The following BBOX1 variants were observed in gnomAD, a reference collection of about 807,000 sequenced individuals.
The protein encoded by BBOX1 is gamma-butyrobetaine dioxygenase.
A neutral mutation model predicts 41.6 loss-of-function variants in BBOX1; 35 were observed. That is an observed-to-expected ratio of 0.84 (90% CI 0.64 to 1.11). The LOEUF (loss-of-function observed/expected upper bound fraction) is 1.11. Ranked by LOEUF, BBOX1 falls within the 50% of genes most tolerant of loss-of-function variation. BBOX1 has a pLI of 0.00. For missense variants in BBOX1, 458 were observed against 460.6 expected (o/e 0.99, Z 0.05); for synonymous variants, 163 against 154.7 (o/e 1.05, Z -0.40).
chr11:27,065,465 T>C (rs1857254523), intron 4 of BBOX1, among the ~76,000 whole-genome samples: 1 of 152,172 alleles, frequency 6.6e-6, no homozygotes, highest in Non-Finnish European at 1.5e-5. Flanking sequence ...AACGTACCTA[T>C]GCAAGATGGG....
chr11:27,051,408 G>A (rs1851665521), intron 2 of BBOX1, among the ~76,000 whole-genome samples: 1 of 151,982 alleles, frequency 6.6e-6, no homozygotes, highest in South Asian at 2.1e-4. Context: ...TAGAATTTGT[G>A]TTAATTCTTC....
chr11:27,050,025 T>G (rs1851621648), intron 2 of BBOX1, among the ~76,000 whole-genome samples: 1 of 152,154 alleles, frequency 6.6e-6, no homozygotes, highest in Non-Finnish European at 1.5e-5. Flanking sequence ...TTGAGTTGAT[T>G]TTTATGTATG....
intron 6 of BBOX1, 55 bp from the exon 7 acceptor site, chr11:27,119,593 TA>T: frequency 1.0e-6 from 1 of 981,048 alleles, no homozygotes; most frequent in Admixed American, 4.1e-5. Context: ...AGATTAATTC[TA>T]ATAATTAAAA....
At chr11:27,066,972 C>G (rs1190533078) in intron 4 of BBOX1, among the ~76,000 whole-genome samples, 3 of 152,088 alleles carry the variant, frequency 2.0e-5, no homozygotes, top group Non-Finnish European at 4.4e-5. Flanking sequence ...GGCCCTAGGC[C>G]TTGCTAAGTC....
intron 4 of BBOX1, among the ~76,000 whole-genome samples, chr11:27,083,193 AT>A (rs1857912108): frequency 6.6e-6 from 1 of 152,136 alleles, no homozygotes; most frequent in Admixed American, 6.6e-5. Flanking sequence ...GCCTCTAGTC[AT>A]CATTAGGAAA....
chr11:27,095,275 T>G (rs1858397678), intron 5 of BBOX1, among the ~76,000 whole-genome samples: 1 of 152,000 alleles, frequency 6.6e-6, no homozygotes, highest in African/African-American at 2.4e-5. Context: ...TTTCACAATT[T>G]CATAAGAGTG....
Position 27,125,554 on chromosome 11 carries a change from A to G in BBOX1, c.837-100A>G, listed in dbSNP as rs576149627. 493 of 1,047,104 alleles carry G rather than the reference A, an allele frequency of 4.7e-4. 2 individuals carry two copies. In the East Asian group the frequency reaches 0.013, roughly 28 times the overall value. The allele number at this position is 1,047,104 out of a possible 1,614,324, so 64.9% of individuals were successfully genotyped here. A position where few individuals can be genotyped will look rare whatever the true frequency, so the allele number is the denominator to read the frequency against. Reference sequence around the variant, plus strand: ...TCTGTACATGTATTTGGATTTTTTAATATGGTGTTTCAAAAATATATTTGA... The same window carrying G: ...TCTGTACATGTATTTGGATTTTTTAGTATGGTGTTTCAAAAATATATTTGA... On this transcript the variant is annotated intron_variant, in intron 7 of 8. Transcript: ENST00000263182.
chr11:27,043,234 T>C (rs900673129), intron 2 of BBOX1, among the ~76,000 whole-genome samples: 1 of 152,178 alleles, frequency 6.6e-6, no homozygotes, highest in East Asian at 1.9e-4. Flanking sequence ...CGGCTAACTT[T>C]TTGTATTTTT....
intron 5 of BBOX1, among the ~76,000 whole-genome samples, chr11:27,102,102 G>C (rs1858683068): frequency 6.6e-6 from 1 of 151,980 alleles, no homozygotes; most frequent in Non-Finnish European, 1.5e-5. Flanking sequence ...GTGCTGAGCA[G>C]TAAATTTATG....
chr11:27,080,692 C>T (rs1036548413), intron 4 of BBOX1, among the ~76,000 whole-genome samples: 20 of 152,134 alleles, frequency 1.3e-4, no homozygotes, highest in Admixed American at 2.6e-4. Flanking sequence ...AAATTCTCTT[C>T]TGAGTCCTTC....
rs576219499 is a variant in BBOX1 at position 27,112,863 on chromosome 11, A to C, written c.534-2589A>C. 3.1e-4 allele frequency among the ~76,000 whole-genome samples: 47 copies of C among 152,192 alleles called. 1 individual carries two copies. In the South Asian group the frequency reaches 9.7e-3, roughly 31 times the overall value. ...GCAAAAGAAACTAACAACAAAGTGA[A>C]CAGACAACATATAGAATGGAATAAA... On this transcript the variant is annotated intron_variant, in intron 5 of 8. Coordinates refer to ENST00000263182, the MANE Select transcript of BBOX1 (RefSeq NM_003986.3).
chr11:27,054,656 C>T (rs1856924616), intron 2 of BBOX1, among the ~76,000 whole-genome samples: 1 of 152,028 alleles, frequency 6.6e-6, no homozygotes, highest in South Asian at 2.1e-4. Flanking sequence ...TGAAGGTATA[C>T]ACAAGTACTC....
chr11:27,077,171 GTT>G (rs1857660957), intron 4 of BBOX1, among the ~76,000 whole-genome samples: 1 of 152,092 alleles, frequency 6.6e-6, no homozygotes, highest in African/African-American at 2.4e-5. Context: ...TGCCACCTGT[GTT>G]AGCTGACAGA....
chr11:27,070,818 C>T (rs1287261064), intron 4 of BBOX1, among the ~76,000 whole-genome samples: 1 of 150,880 alleles, frequency 6.6e-6, no homozygotes, highest in Non-Finnish European at 1.5e-5. Flanking sequence ...TCTCCGTCAT[C>T]ATGTTGATTG....
intron 5 of BBOX1, among the ~76,000 whole-genome samples, chr11:27,099,298 C>T (rs545478273): frequency 2.0e-5 from 3 of 151,832 alleles, no homozygotes; most frequent in South Asian, 4.2e-4. Context: ...CTGGCACCAA[C>T]AAGTTGCATT....
At chr11:27,041,680 T>C (rs909955875) in intron 2 of BBOX1, among the ~76,000 whole-genome samples, 14 of 152,146 alleles carry the variant, frequency 9.2e-5, no homozygotes, top group South Asian at 2.1e-4. Flanking sequence ...GCATTTAGAA[T>C]AGGCTTGGTT....
At chr11:27,103,481 T>A (rs1858743116) in intron 5 of BBOX1, among the ~76,000 whole-genome samples, 1 of 152,118 alleles carries the variant, frequency 6.6e-6, no homozygotes, top group Non-Finnish European at 1.5e-5. Flanking sequence ...TCAAATCGTT[T>A]CTATTGATTT....
intron 4 of BBOX1, among the ~76,000 whole-genome samples, chr11:27,074,217 T>C (rs1857561676): frequency 6.6e-6 from 1 of 152,040 alleles, no homozygotes; most frequent in Non-Finnish European, 1.5e-5. Context: ...TGTGAATCAA[T>C]TAAACCCGCT....
intron 4 of BBOX1, among the ~76,000 whole-genome samples, chr11:27,076,512 G>C (rs1857635365): frequency 1.3e-5 from 2 of 152,158 alleles, no homozygotes; most frequent in African/African-American, 2.4e-5. Flanking sequence ...TTGGCCTCCA[G>C]CCAGGAGGTG....
Sources: gnomAD v4.1 joint callset for allele counts (sites outside exome capture counted in the v4.1 genomes callset) on GRCh38, gnomAD v4.1.1 for gene constraint, MANE v1.5 for transcripts, NCBI Gene and HGNC (gene_info 2026-07-23, HGNC 2026-07-21) for gene names.